Variants in CMIP observed in about 807,000 individuals in gnomAD.
The protein encoded by CMIP is C-Maf-inducing protein.
CMIP carries 13 observed loss-of-function variants against 97.3 expected under a neutral mutation model. The ratio of observed to expected loss-of-function variants is 0.13; its 90% CI spans 0.09 to 0.21. The LOEUF (loss-of-function observed/expected upper bound fraction) is 0.21. CMIP is among the 10% of genes least tolerant of loss of function. The pLI, the probability that CMIP is intolerant of heterozygous loss-of-function variation, is 1.00. For missense variants in CMIP, 847 were observed against 1,024.9 expected (o/e 0.83, Z 2.37); for synonymous variants, 538 against 436.3 (o/e 1.23, Z -2.91).
At chr16:81,490,200 T>A (rs181520494) in intron 1 of CMIP, among the ~76,000 whole-genome samples, 1 of 152,302 alleles carries the variant, frequency 6.6e-6, no homozygotes, top group African/African-American at 2.4e-5. Context: ...AGTAGTTAAT[T>A]CATTGGTTTT....
At chr16:81,585,385 A>C (rs544159670) in intron 1 of CMIP, among the ~76,000 whole-genome samples, 12 of 152,318 alleles carry the variant, frequency 7.9e-5, no homozygotes, top group African/African-American at 2.6e-4. Context: ...CATTTAGTAC[A>C]TTTATAATGT....
intron 1 of CMIP, among the ~76,000 whole-genome samples, chr16:81,498,505 C>G (rs2089534959): frequency 6.6e-6 from 1 of 152,196 alleles, no homozygotes; most frequent in African/African-American, 2.4e-5. Flanking sequence ...TGCTTTCTCA[C>G]GGGGGTTATC....
chr16:81,612,898 C>T (rs988344050), intron 2 of CMIP, among the ~76,000 whole-genome samples: 3 of 152,192 alleles, frequency 2.0e-5, no homozygotes, highest in South Asian at 4.1e-4. Context: ...GGGTTCCAGC[C>T]ATGCCTTATG....
intron 6 of CMIP, 96 bp from the exon 7 acceptor site, chr16:81,664,173 A>T: frequency 8.4e-7 from 1 of 1,187,854 alleles, no homozygotes; most frequent in Non-Finnish European, 1.2e-6. Flanking sequence ...CCAGGCACCC[A>T]CAGCTGGGCT....
At chr16:81,533,522 A>G (rs2090282184) in intron 1 of CMIP, among the ~76,000 whole-genome samples, 1 of 152,118 alleles carries the variant, frequency 6.6e-6, no homozygotes, top group Admixed American at 6.5e-5. Context: ...TTTGTCACCC[A>G]GGCTGGCATT....
intron 14 of CMIP, chr16:81,697,015 T>C: frequency 3.5e-6 from 1 of 289,470 alleles, no homozygotes. Flanking sequence ...CATGGTTATG[T>C]TCCTACAAGA....
intron 1 of CMIP, among the ~76,000 whole-genome samples, chr16:81,497,861 C>G (rs921871253): frequency 6.6e-6 from 1 of 152,246 alleles, no homozygotes; most frequent in Non-Finnish European, 1.5e-5. Context: ...GCCCGTGCAG[C>G]GTGGGCTCCT....
chr16:81,563,455 T>G lies in CMIP; in HGVS notation c.301-44112T>G, dbSNP rs76976439. On this transcript the variant is annotated intron_variant, in intron 1 of 20. Coordinates refer to ENST00000537098, the MANE Select transcript of CMIP (RefSeq NM_198390.3). ...ATACTTCTTTCCATCCAAGGTGCGG[T>G]CTATGGACCAGCAGCGTCAGCCTCA... Among the ~76,000 whole-genome samples the G allele has an allele frequency of 3.0e-3, 460 of 152,292 alleles. 1 individual carries two copies. Among genetic ancestry groups the G allele is most frequent in the African/African-American group, 0.011 (449 of 41,560 alleles).
At chr16:81,693,933 G>C (rs995688985) in intron 13 of CMIP, among the ~76,000 whole-genome samples, 1 of 152,222 alleles carries the variant, frequency 6.6e-6, no homozygotes, top group South Asian at 2.1e-4. Context: ...CACCAAAGCT[G>C]GGCTTCCAGG....
chr16:81,509,599 G>A (rs1459391243), intron 1 of CMIP, among the ~76,000 whole-genome samples: 4 of 152,188 alleles, frequency 2.6e-5, no homozygotes, highest in East Asian at 1.9e-4. Context: ...CACTCTGTCC[G>A]CCTCCCTCTG....
rs62043781 is a variant in CMIP, at chr16:81,592,257, G to C, written c.301-15310G>C. 3.5e-3 allele frequency among the ~76,000 whole-genome samples: 538 copies of C among 152,346 alleles called. 2 individuals carry two copies. The highest frequency in any genetic ancestry group is 4.7e-3 in the Non-Finnish European group (321 of 68,034). ...AAATGGGAGAAGCTTGGGCAGTCGA[G>C]GGCTATCTCCTGGTCTGTGTCCTGT... On this transcript the variant is annotated intron_variant, in intron 1 of 20. Transcript: ENST00000537098.
intron 1 of CMIP, among the ~76,000 whole-genome samples, chr16:81,557,338 T>TTAAATTCACTCA (rs2090784321): frequency 6.8e-6 from 1 of 146,758 alleles, no homozygotes; most frequent in South Asian, 2.1e-4. Flanking sequence ...CTGATGTTGG[T>TTAAATTCACTCA]TGAATTTACT....
In CMIP at chr16:81,654,785, C is replaced by T. The variant is rs74695893; in HGVS notation, c.639+2421C>T. 9.6e-3 allele frequency among the ~76,000 whole-genome samples: 1,462 copies of T among 152,340 alleles called. 11 individuals carry two copies. The highest frequency in any genetic ancestry group is 0.014 in the Non-Finnish European group (947 of 68,020). On this transcript the variant is annotated intron_variant, in intron 4 of 20. Coordinates refer to ENST00000537098, the MANE Select transcript of CMIP (RefSeq NM_198390.3). Reference sequence around the variant, plus strand: ...TTAAGTGTTGGGCCAGGACCCTCGCCCGGGTCTGCCCAGTGATGAAGCTTA... The same window carrying T: ...TTAAGTGTTGGGCCAGGACCCTCGCTCGGGTCTGCCCAGTGATGAAGCTTA...
At chr16:81,535,756 C>T (rs1041096488) in intron 1 of CMIP, among the ~76,000 whole-genome samples, 6 of 152,090 alleles carry the variant, frequency 3.9e-5, no homozygotes, top group African/African-American at 1.2e-4. Context: ...GACCCTGTTA[C>T]CCACCTTCCC....
chr16:81,445,975 AC>A (rs1905814306), intron 1 of CMIP, among the ~76,000 whole-genome samples: 2 of 150,686 alleles, frequency 1.3e-5, no homozygotes, highest in Non-Finnish European at 2.9e-5. Flanking sequence ...AAAAAAAAAA[AC>A]AAACAACACA....
intron 1 of CMIP, among the ~76,000 whole-genome samples, chr16:81,535,043 C>T (rs148417815): frequency 7.9e-5 from 12 of 152,228 alleles, no homozygotes; most frequent in Non-Finnish European, 1.5e-4. Context: ...CTCTGCCTCC[C>T]GGGTTCATGC....
intron 9 of CMIP, among the ~76,000 whole-genome samples, chr16:81,676,686 C>T (rs1373320981): frequency 6.6e-6 from 1 of 152,210 alleles, no homozygotes; most frequent in East Asian, 1.9e-4. Context: ...TTATTAAACA[C>T]CCTTGGTGGG....
chr16:81,692,179 G>T (rs1226952301), intron 11 of CMIP, among the ~76,000 whole-genome samples: 2 of 152,202 alleles, frequency 1.3e-5, no homozygotes, highest in Non-Finnish European at 2.9e-5. Flanking sequence ...GCACCAGATG[G>T]GAACCGTAAT....
At chr16:81,460,312 G>A (rs191926046) in intron 1 of CMIP, among the ~76,000 whole-genome samples, 1 of 152,078 alleles carries the variant, frequency 6.6e-6, no homozygotes, top group African/African-American at 2.4e-5. Flanking sequence ...CTTTTCCTTC[G>A]GGTTGCCAGC....
Sources: allele counts gnomAD v4.1 joint callset (sites outside exome capture counted in the v4.1 genomes callset), GRCh38; gene constraint gnomAD v4.1.1; transcripts MANE v1.5; gene names NCBI Gene and HGNC (gene_info 2026-07-23, HGNC 2026-07-21).